FBLN5: variants seen among roughly 807,000 people sequenced by gnomAD.
FBLN5 encodes the protein fibulin 5.
Under a neutral mutation model 61.6 loss-of-function variants are expected in FBLN5, and 24 were observed. The observed-to-expected ratio is 0.39, with a 90% CI of 0.28 to 0.55. FBLN5 has a LOEUF of 0.55. FBLN5 is among the 20% of genes least tolerant of loss of function. The pLI is 0.65. For missense variants in FBLN5, 470 were observed against 594.1 expected (o/e 0.79, Z 2.17); for synonymous variants, 213 against 219.8 (o/e 0.97, Z 0.27).
chr14:91,891,322 C>T lies in FBLN5; in HGVS notation c.518G>A (p.Arg173His). The T allele has an allele frequency of 3.1e-6, 5 of 1,611,810 alleles. No homozygotes were observed. Among genetic ancestry groups the T allele is most frequent in the East Asian group, 2.2e-5 (1 of 44,870 alleles). ...ACAGAGCTGCTGGCAGTAACCATAG[C>T]GACATTCATCAATGTCTGGAAACAG... ...EGQCLDIDEC[R>H]YGYCQQLCAN... Residue 173 changes from arginine (R) to histidine (H), a missense_variant, in exon 6 of 11, where the codon CGC becomes CAC. By Grantham distance (29) the Arg-to-His change is conservative. Coordinates refer to ENST00000342058, the MANE Select transcript of FBLN5 (RefSeq NM_006329.4).
chr14:91,871,828 C>T (rs544774195), intron 10 of FBLN5, among the ~76,000 whole-genome samples: 3 of 151,586 alleles, frequency 2.0e-5, no homozygotes, highest in South Asian at 4.2e-4. Context: ...CTATACTCCA[C>T]CCTGGACAAC....
At chr14:91,881,126 C>CAT (rs1889431307) in intron 9 of FBLN5, among the ~76,000 whole-genome samples, 166 bp downstream of exon 9, 1 of 150,100 alleles carries the variant, frequency 6.7e-6, no homozygotes, top group South Asian at 2.1e-4. Flanking sequence ...ATTCTACACA[C>CAT]ACACACACAC....
In FBLN5 at chr14:91,947,250, A is replaced by C; in HGVS notation, c.-21T>G. 6.2e-7 allele frequency: 1 copy of C among 1,614,006 alleles called. No individual in the cohort carries two copies. Among genetic ancestry groups the C allele is most frequent in the Non-Finnish European group, 8.5e-7 (1 of 1,179,998 alleles). ...GGCATGTCCAAGACGCGCGAGGAGG[A>C]GATGCGAAGGCGAGAAGAAAGCTCG... is the stretch of plus-strand genomic sequence containing the variant. On this transcript the variant is annotated 5_prime_UTR_variant, in exon 1 of 11. Coordinates refer to ENST00000342058, the MANE Select transcript of FBLN5 (RefSeq NM_006329.4). The surrounding 1 kb of genome is among the most constrained non-coding windows in gnomAD (Gnocchi z 4.3).
At chr14:91,934,880 C>T (rs776006253) in intron 4 of FBLN5, among the ~76,000 whole-genome samples, 1 of 152,198 alleles carries the variant, frequency 6.6e-6, no homozygotes, top group Non-Finnish European at 1.5e-5. Flanking sequence ...AAAGAGCCTC[C>T]CTTTCCCATC....
intron 4 of FBLN5, among the ~76,000 whole-genome samples, chr14:91,895,458 G>A (rs2139983876): frequency 6.6e-6 from 1 of 152,280 alleles, no homozygotes; most frequent in Admixed American, 6.5e-5. Context: ...TACCTACTGT[G>A]TGCACAGGAC....
chr14:91,889,718 G>A (rs1003320751), intron 6 of FBLN5, among the ~76,000 whole-genome samples: 1 of 152,204 alleles, frequency 6.6e-6, no homozygotes, highest in Non-Finnish European at 1.5e-5. Flanking sequence ...CGGAGTATGC[G>A]ACGCCCTGTG....
chr14:91,899,608 A>G (rs774521059), intron 4 of FBLN5, among the ~76,000 whole-genome samples: 44 of 152,164 alleles, frequency 2.9e-4, no homozygotes, highest in Non-Finnish European at 4.7e-4. Flanking sequence ...AAACCCATCA[A>G]TATCACCTCC....
At chr14:91,871,249 G>A (rs2084897925) in intron 10 of FBLN5, among the ~76,000 whole-genome samples, 1 of 143,048 alleles carries the variant, frequency 7.0e-6, no homozygotes, top group Admixed American at 7.0e-5. Flanking sequence ...GGCATCAAAG[G>A]CTACTGGAAC....
chr14:91,940,910 C>T (rs2056094986), intron 2 of FBLN5, among the ~76,000 whole-genome samples: 1 of 151,964 alleles, frequency 6.6e-6, no homozygotes, highest in African/African-American at 2.4e-5. Context: ...TTTGAGACCG[C>T]CCTCAAGACC....
chr14:91,946,925 C>T (rs375441956), intron 1 of FBLN5: 4 of 1,457,346 alleles, frequency 2.7e-6, no homozygotes, highest in African/African-American at 2.9e-5. Flanking sequence ...AAAGTTGCTG[C>T]CCTTTCCAGA....
At chr14:91,917,575 CAAAAAAAAAAAAAAAA>C (rs34458933) in intron 4 of FBLN5, among the ~76,000 whole-genome samples, 1 of 63,472 alleles carries the variant, frequency 1.6e-5, no homozygotes, top group Non-Finnish European at 2.7e-5. Context: ...GACTCCATCT[CAAAAAAAAAAAAAAAA>C]AAAAAAAAAG....
chr14:91,888,403 G>A (rs191900924), intron 6 of FBLN5, among the ~76,000 whole-genome samples: 7 of 152,058 alleles, frequency 4.6e-5, no homozygotes, highest in Non-Finnish European at 5.9e-5. Flanking sequence ...TCAGGCATTC[G>A]AGACCAGCCT....
At chr14:91,893,385 T>G (rs1048904431) in intron 5 of FBLN5, among the ~76,000 whole-genome samples, 1 of 152,218 alleles carries the variant, frequency 6.6e-6, no homozygotes, top group African/African-American at 2.4e-5. Flanking sequence ...CAGACGCCCA[T>G]GTGCAAGCCT....
At chr14:91,926,993 A>C (rs1164406988) in intron 4 of FBLN5, among the ~76,000 whole-genome samples, 1 of 152,186 alleles carries the variant, frequency 6.6e-6, no homozygotes, top group East Asian at 1.9e-4. Context: ...TGTGAATCTA[A>C]GCCCATGCTC....
chr14:91,873,304 T>C (rs1259322172), intron 10 of FBLN5, among the ~76,000 whole-genome samples: 3 of 152,250 alleles, frequency 2.0e-5, no homozygotes, highest in African/African-American at 7.2e-5. Context: ...GTGGTGGTTA[T>C]GATGCCAGGC....
intron 4 of FBLN5, among the ~76,000 whole-genome samples, chr14:91,915,177 A>T (rs975004294): frequency 6.7e-6 from 1 of 148,432 alleles, no homozygotes; most frequent in South Asian, 2.1e-4. Context: ...AAAAAATAAT[A>T]AAAAAAAAAG....
chr14:91,911,064 A>G (rs1267630243), intron 4 of FBLN5, among the ~76,000 whole-genome samples: 7 of 151,612 alleles, frequency 4.6e-5, no homozygotes, highest in East Asian at 1.9e-4. Flanking sequence ...GCTCACTGCA[A>G]CCTCCACCTC....
chr14:91,887,927 G>A (rs992011701), intron 6 of FBLN5, among the ~76,000 whole-genome samples: 7 of 152,078 alleles, frequency 4.6e-5, no homozygotes, highest in Non-Finnish European at 8.8e-5. Context: ...GGTTTCATGC[G>A]GGTACACGTA....
At chr14:91,892,753 A>G (rs1890046550) in intron 5 of FBLN5, among the ~76,000 whole-genome samples, 1 of 152,076 alleles carries the variant, frequency 6.6e-6, no homozygotes, top group Non-Finnish European at 1.5e-5. Flanking sequence ...AGCCCCCCTG[A>G]CCCCTCATTT....
Sources: allele counts gnomAD v4.1 joint callset (sites outside exome capture counted in the v4.1 genomes callset), GRCh38; gene constraint gnomAD v4.1.1; non-coding constraint Gnocchi (gnomAD v3.1); transcripts MANE v1.5; gene names NCBI Gene and HGNC (gene_info 2026-07-23, HGNC 2026-07-21).